The following KCNQ1OT1 variants were observed in gnomAD, a reference collection of about 807,000 sequenced individuals.
KCNQ1OT1 encodes the protein KCNQ1 antisense RNA 2 (non-protein coding).
chr11:2,654,147 A>G lies in KCNQ1OT1; in HGVS notation n.45848T>C, dbSNP rs1423476522. 7.5e-6 allele frequency: 3 copies of G among 398,326 alleles called. No homozygotes were observed. Among genetic ancestry groups the G allele is most frequent in the Non-Finnish European group, 1.3e-5 (3 of 225,986 alleles). 24.7% of individuals were successfully genotyped at this position (398,326 alleles called of 1,614,324 possible). ...GCGGGGCCACTCTGGCTCAGGGTCTATGAGCCGGGCATGGGCAGCTGGCAC... is the reference window on the plus strand; with the variant it reads ...GCGGGGCCACTCTGGCTCAGGGTCTGTGAGCCGGGCATGGGCAGCTGGCAC... On this transcript the variant is annotated non_coding_transcript_exon_variant, in exon 1 of 1. Coordinates refer to ENST00000597346, the Ensembl canonical transcript of KCNQ1OT1. The surrounding 1 kb of genome is among the most constrained non-coding windows in gnomAD (Gnocchi z 6.4).
At chr11:2,640,628 G>C (rs189431488) in exon 1 of KCNQ1OT1, 1 of 396,644 alleles carries the variant, frequency 2.5e-6, no homozygotes, top group Non-Finnish European at 4.4e-6. Flanking sequence ...TACATGCATC[G>C]AATGTGTAAT....
At chr11:2,618,481 C>T (rs765461913) in exon 1 of KCNQ1OT1, 4 of 398,538 alleles carry the variant, frequency 1.0e-5, no homozygotes, top group East Asian at 3.6e-5. Context: ...TTGTTTTCTT[C>T]GTGTTCTTGT....
At chr11:2,638,095 T>G (rs1406957871) in exon 1 of KCNQ1OT1, 1 of 152,238 alleles carries the variant, frequency 6.6e-6, no homozygotes, top group African/African-American at 2.4e-5. Context: ...ATGGGTCTCC[T>G]GAATACAGCA....
At position 2,617,239 on chromosome 11, in the gene KCNQ1OT1, C is replaced by T; in HGVS notation, n.82756G>A. The stretch of plus-strand genomic sequence containing the variant: ...CATCTTTCCATTTTCTTCCCCCACA[C>T]CTTGCCCATGGTAACCACTAGTTTA... On this transcript the variant is annotated non_coding_transcript_exon_variant, in exon 1 of 1. Transcript: ENST00000597346. This position sits in a 1 kb window ranked among gnomAD's most constrained non-coding sequence, Gnocchi z 4.6. 1 of 398,414 alleles carries T rather than the reference C, an allele frequency of 2.5e-6. No homozygotes were observed. The highest frequency in any genetic ancestry group is 4.4e-6 in the Non-Finnish European group (1 of 225,936). The allele number at this position is 398,414 out of a possible 1,614,324, so 24.7% of individuals were successfully genotyped here. A position where few individuals can be genotyped will look rare whatever the true frequency, so the allele number is the denominator to read the frequency against.
At position 2,621,574 on chromosome 11, in the gene KCNQ1OT1, G is replaced by A. The variant is rs1024805789; in HGVS notation, n.78421C>T. 3 of 398,234 alleles carry A rather than the reference G, an allele frequency of 7.5e-6. No homozygotes were observed. The highest frequency in any genetic ancestry group is 1.3e-5 in the Non-Finnish European group (3 of 226,022). 24.7% of individuals were successfully genotyped at this position (398,234 alleles called of 1,614,324 possible). A position where few individuals can be genotyped will look rare whatever the true frequency, so the allele number is the denominator to read the frequency against. On this transcript the variant is annotated non_coding_transcript_exon_variant, in exon 1 of 1. Transcript: ENST00000597346. The surrounding 1 kb of genome is among the most constrained non-coding windows in gnomAD (Gnocchi z 5.7). Reference sequence around the variant, plus strand: ...TACCACTGTGATCTCTTTGCTATTGGTCTGTTCAGGCTTTCTATTCCTGAT... The same window carrying A: ...TACCACTGTGATCTCTTTGCTATTGATCTGTTCAGGCTTTCTATTCCTGAT...
chr11:2,674,600 G>A lies in KCNQ1OT1; in HGVS notation n.25395C>T. ...GCTAGTTGTGTTGCCTTTTAAATAG[G>A]CTCTGGCTTAAAACAGTCACAGCGA... On this transcript the variant is annotated non_coding_transcript_exon_variant, in exon 1 of 1. Coordinates refer to ENST00000597346, the Ensembl canonical transcript of KCNQ1OT1. This position sits in a 1 kb window ranked among gnomAD's most constrained non-coding sequence, Gnocchi z 5.9. 2.5e-6 allele frequency: 1 copy of A among 398,600 alleles called. No homozygotes were observed. The highest frequency in any genetic ancestry group is 4.4e-6 in the Non-Finnish European group (1 of 226,060). 24.7% of individuals were successfully genotyped at this position (398,600 alleles called of 1,614,324 possible).
In KCNQ1OT1 at chr11:2,670,438, G is replaced by A. The variant is rs1169491653; in HGVS notation, n.29557C>T. ...TGTGTTGGGGTTAGGAGATACTGCT[G>A]TTGGCTGAGACACACAGCCCACATC... On this transcript the variant is annotated non_coding_transcript_exon_variant, in exon 1 of 1. Coordinates refer to ENST00000597346, the Ensembl canonical transcript of KCNQ1OT1. The surrounding 1 kb of genome is among the most constrained non-coding windows in gnomAD (Gnocchi z 4.9). 5.0e-6 allele frequency: 2 copies of A among 397,934 alleles called. No individual in the cohort carries two copies. Among genetic ancestry groups the A allele is most frequent in the Admixed American group, 4.4e-5 (1 of 22,620 alleles). 24.7% of individuals were successfully genotyped at this position (397,934 alleles called of 1,614,324 possible).
At chr11:2,643,313 G>A (rs1413588545) in exon 1 of KCNQ1OT1, 3 of 398,214 alleles carry the variant, frequency 7.5e-6, no homozygotes, top group African/African-American at 6.2e-5. Context: ...CAGATTTGAT[G>A]TTTGCCTTAT....
Position 2,645,377 on chromosome 11 carries a change from A to C in KCNQ1OT1, n.54618T>G. 2.5e-6 allele frequency: 1 copy of C among 398,792 alleles called. No homozygotes were observed. Among genetic ancestry groups the C allele is most frequent in the East Asian group, 3.6e-5 (1 of 28,056 alleles). 24.7% of individuals were successfully genotyped at this position (398,792 alleles called of 1,614,324 possible). ...GTATGCGCTGGCACTGGGAGAAAAG[A>C]GGGTGGGACCAGGCCAGGTGGGCCT... On this transcript the variant is annotated non_coding_transcript_exon_variant, in exon 1 of 1. Coordinates refer to ENST00000597346, the Ensembl canonical transcript of KCNQ1OT1. The surrounding 1 kb of genome is among the most constrained non-coding windows in gnomAD (Gnocchi z 5.8).
At chr11:2,631,352 G>T in exon 1 of KCNQ1OT1, 2 of 398,034 alleles carry the variant, frequency 5.0e-6, no homozygotes, top group South Asian at 2.6e-4. Flanking sequence ...CCTTCTATTT[G>T]ATCAAGTCTG....
rs149572037 is a variant in KCNQ1OT1, at chr11:2,658,023, T to A, written n.41972A>T. 3.0e-3 allele frequency: 1,181 copies of A among 398,562 alleles called. 11 individuals carry two copies. The highest frequency in any genetic ancestry group is 0.021 in the African/African-American group (1,011 of 48,734). The allele number at this position is 398,562 out of a possible 1,614,324, so 24.7% of individuals were successfully genotyped here. A position where few individuals can be genotyped will look rare whatever the true frequency, so the allele number is the denominator to read the frequency against. The stretch of plus-strand genomic sequence containing the variant: ...ATAGCTGTTTTTCCCTTTCCATAGC[T>A]TAGTCTTTAGAAGCGAGTCACTAAG... On this transcript the variant is annotated non_coding_transcript_exon_variant, in exon 1 of 1. Coordinates refer to ENST00000597346, the Ensembl canonical transcript of KCNQ1OT1. The surrounding 1 kb of genome is among the most constrained non-coding windows in gnomAD (Gnocchi z 4.9).
At position 2,645,780 on chromosome 11, in the gene KCNQ1OT1, A is replaced by C; in HGVS notation, n.54215T>G. 2.5e-6 allele frequency: 1 copy of C among 398,762 alleles called. No homozygotes were observed. Among genetic ancestry groups the C allele is most frequent in the Non-Finnish European group, 4.4e-6 (1 of 226,168 alleles). The allele number at this position is 398,762 out of a possible 1,614,324, so 24.7% of individuals were successfully genotyped here. On this transcript the variant is annotated non_coding_transcript_exon_variant, in exon 1 of 1. Transcript: ENST00000597346. This position sits in a 1 kb window ranked among gnomAD's most constrained non-coding sequence, Gnocchi z 5.8. ...GATAGAGGGATGTGGGGCCCACAGC[A>C]GATGCAGTCTGGTGGGGGTTGGGCT... is the stretch of plus-strand genomic sequence containing the variant.
rs2133892866 is a variant in KCNQ1OT1 at position 2,691,725 on chromosome 11, G to A, written n.8270C>T. ...TGTCCAGGGGAGAGGCAGCCCACAGGGAGCCACACAGGCAGGGGACATTCC... is the reference window on the plus strand; with the variant it reads ...TGTCCAGGGGAGAGGCAGCCCACAGAGAGCCACACAGGCAGGGGACATTCC... On this transcript the variant is annotated non_coding_transcript_exon_variant, in exon 1 of 1. Coordinates refer to ENST00000597346, the Ensembl canonical transcript of KCNQ1OT1. This position sits in a 1 kb window ranked among gnomAD's most constrained non-coding sequence, Gnocchi z 6.4. The A allele has an allele frequency of 2.5e-6, 1 of 398,578 alleles. No individual in the cohort carries two copies. The highest frequency in any genetic ancestry group is 3.6e-5 in the East Asian group (1 of 28,042). The allele number at this position is 398,578 out of a possible 1,614,324, so 24.7% of individuals were successfully genotyped here. A position where few individuals can be genotyped will look rare whatever the true frequency, so the allele number is the denominator to read the frequency against.
chr11:2,639,876 G>T (rs1306706488), exon 1 of KCNQ1OT1: 1 of 153,050 alleles, frequency 6.5e-6, no homozygotes, highest in African/African-American at 2.4e-5. Context: ...CGAGCTTCCT[G>T]GCCACTTTGT....
At chr11:2,650,382 C>A (rs575348864) in exon 1 of KCNQ1OT1, 8 of 398,464 alleles carry the variant, frequency 2.0e-5, no homozygotes, top group Non-Finnish European at 3.5e-5. Flanking sequence ...ATAACAGAGA[C>A]TTCCAATTTT....
chr11:2,696,737 T>C (rs1243243334), exon 1 of KCNQ1OT1: 2 of 398,610 alleles, frequency 5.0e-6, no homozygotes, highest in Non-Finnish European at 8.8e-6. Flanking sequence ...TATCCTCCAA[T>C]AGAGTTTTAA....
At chr11:2,666,168 G>C (rs953668860) in exon 1 of KCNQ1OT1, 1 of 398,544 alleles carries the variant, frequency 2.5e-6, no homozygotes, top group African/African-American at 2.1e-5. Context: ...GCCCCAGCTC[G>C]AGGTTAACAG....
At chr11:2,635,213 T>C (rs888167085) in exon 1 of KCNQ1OT1, 1 of 152,192 alleles carries the variant, frequency 6.6e-6, no homozygotes, top group Admixed American at 6.5e-5. Context: ...ATTTTGGCTT[T>C]TGTTGCCATT....
chr11:2,656,583 T>A (rs1479166508), exon 1 of KCNQ1OT1: 1 of 398,684 alleles, frequency 2.5e-6, no homozygotes, highest in South Asian at 1.3e-4. Context: ...ATTCCTCTTT[T>A]GTGATGTGCT....
Sources: gnomAD v4.1 joint callset for allele counts on GRCh38, gnomAD v4.1.1 for gene constraint, Gnocchi (gnomAD v3.1) non-coding constraint, MANE v1.5 for transcripts, NCBI Gene and HGNC (gene_info 2026-07-23, HGNC 2026-07-21) for gene names.